UGT1A7: variants seen among roughly 807,000 people sequenced by gnomAD.
UGT1A7 encodes the protein UDP glucuronosyltransferase family 1 member A7, also known as UDP-glucuronosyltransferase 1A7.
Under a neutral mutation model 45.6 loss-of-function variants are expected in UGT1A7, and 33 were observed. The observed-to-expected ratio is 0.72, with a 90% CI of 0.55 to 0.97. The LOEUF (loss-of-function observed/expected upper bound fraction) is 0.97, where lower values mean the gene tolerates loss of function less well. Ranked by LOEUF, UGT1A7 falls within the 50% of genes least tolerant of loss-of-function variation. The pLI is 0.00. For missense variants in UGT1A7, 684 were observed against 666.2 expected (o/e 1.03, Z -0.29); for synonymous variants, 274 against 250.6 (o/e 1.09, Z -0.88).
At chr2:233,754,136 G>T (rs1695403547) in intron 1 of UGT1A7, among the ~76,000 whole-genome samples, 1 of 152,154 alleles carries the variant, frequency 6.6e-6, no homozygotes. Flanking sequence ...GCAATTAAAA[G>T]CCATCATTAA....
At chr2:233,725,198 A>AGAGGCAGAGGCAGAGGCAGAG (rs1377722142) in intron 1 of UGT1A7, among the ~76,000 whole-genome samples, 1 of 86,634 alleles carries the variant, frequency 1.2e-5, no homozygotes, top group Non-Finnish European at 2.0e-5. Context: ...AGGCAGAGGC[A>AGAGGCAGAGGCAGAGGCAGAG]GAGGCAGAGG....
intron 1 of UGT1A7, among the ~76,000 whole-genome samples, chr2:233,750,227 A>C (rs977533582): frequency 6.6e-6 from 1 of 151,900 alleles, no homozygotes; most frequent in Admixed American, 6.5e-5. Flanking sequence ...GAGATGAGGA[A>C]CTTATTGGGA....
At chr2:233,756,970 G>A (rs550793027) in intron 1 of UGT1A7, among the ~76,000 whole-genome samples, 57 of 152,062 alleles carry the variant, frequency 3.7e-4, no homozygotes, top group Non-Finnish European at 5.3e-4. Context: ...TGGTAAGCAC[G>A]CAATGAACAG....
intron 1 of UGT1A7, among the ~76,000 whole-genome samples, 196 bp from the exon 2 acceptor site, chr2:233,766,838 C>CCCTTCCTCCTTTAGAAG (rs1182719018): frequency 3.9e-5 from 6 of 152,156 alleles, no homozygotes; most frequent in African/African-American, 1.2e-4. Context: ...TAAGCAGGAA[C>CCCTTCCTCCTTTAGAAG]CCTTCCTCCT....
chr2:233,724,277 C>T (rs1162056701), intron 1 of UGT1A7, among the ~76,000 whole-genome samples: 28 of 115,674 alleles, frequency 2.4e-4, no homozygotes, highest in Admixed American at 3.4e-4. Flanking sequence ...GGCGGCTGGC[C>T]GGGCGGGGGG....
chr2:233,733,594 G>A (rs1409734181), intron 1 of UGT1A7, among the ~76,000 whole-genome samples: 1 of 152,164 alleles, frequency 6.6e-6, no homozygotes, highest in African/African-American at 2.4e-5. Context: ...TTCTGTTTAT[G>A]TGATGGATTA....
rs113010112 is a variant in UGT1A7, at chr2:233,729,455, T to A, written c.856-37579T>A. ...GAAACAGAACATTTTCTGAAGAAAT[T>A]TTTCAGAAGTATGGCAATGTTGAAC... On this transcript the variant is annotated intron_variant, in intron 1 of 4. Coordinates refer to ENST00000373426, the MANE Select transcript of UGT1A7 (RefSeq NM_019077.3). The A allele has an allele frequency of 2.5e-6, 4 of 1,614,068 alleles. No individual in the cohort carries two copies. In the African/African-American group the frequency reaches 5.3e-5, roughly 22 times the overall value.
intron 1 of UGT1A7, among the ~76,000 whole-genome samples, chr2:233,720,439 A>G (rs1010293561): frequency 2.0e-5 from 3 of 152,114 alleles, no homozygotes; most frequent in African/African-American, 7.2e-5. Context: ...CCGTGAATCT[A>G]TAAGCCCAGT....
chr2:233,762,045 A>C (rs187851388), intron 1 of UGT1A7, among the ~76,000 whole-genome samples: 1 of 151,840 alleles, frequency 6.6e-6, no homozygotes, highest in African/African-American at 2.4e-5. Flanking sequence ...TTTTCTGTGC[A>C]TTTTCCTTCA....
rs200461003 is a variant in UGT1A7, at chr2:233,713,543, C to A, written c.855+30751C>A. ...TTCCATGTGATTTAGACTTTAAGGGCACACAGTGTCCAAACCCTTCCTCCT... is the reference window on the plus strand; with the variant it reads ...TTCCATGTGATTTAGACTTTAAGGGAACACAGTGTCCAAACCCTTCCTCCT... On this transcript the variant is annotated intron_variant, in intron 1 of 4. Coordinates refer to ENST00000373426, the MANE Select transcript of UGT1A7 (RefSeq NM_019077.3). 2.1e-4 allele frequency: 343 copies of A among 1,613,956 alleles called. 1 individual carries two copies. The highest frequency in any genetic ancestry group is 4.2e-6 in the Non-Finnish European group (5 of 1,179,872).
intron 1 of UGT1A7, chr2:233,713,305 A>T: frequency 3.1e-6 from 5 of 1,614,274 alleles, no homozygotes; most frequent in Non-Finnish European, 4.2e-6. Flanking sequence ...GAAACAGAAC[A>T]TCTTCTGATG....
chr2:233,737,998 C>A (rs1690658355), intron 1 of UGT1A7, among the ~76,000 whole-genome samples: 1 of 152,106 alleles, frequency 6.6e-6, no homozygotes, highest in South Asian at 2.1e-4. Context: ...GTGTCCCCCA[C>A]CAAATCTCAT....
At chr2:233,764,883 A>C (rs1698677013) in intron 1 of UGT1A7, among the ~76,000 whole-genome samples, 1 of 152,176 alleles carries the variant, frequency 6.6e-6, no homozygotes, top group Non-Finnish European at 1.5e-5. Context: ...GGGAAAAGGC[A>C]AAGACAAAGC....
chr2:233,708,854 A>C (rs1025150055), intron 1 of UGT1A7, among the ~76,000 whole-genome samples: 1 of 147,850 alleles, frequency 6.8e-6, no homozygotes, highest in Non-Finnish European at 1.5e-5. Context: ...TTTCTTTTTT[A>C]ATCTCTTTTA....
At position 233,769,609 on chromosome 2, in the gene UGT1A7, C is replaced by A. The variant is rs776582226; in HGVS notation, c.1295+1170C>A. On this transcript the variant is annotated intron_variant, in intron 4 of 4. Coordinates refer to ENST00000373426, the MANE Select transcript of UGT1A7 (RefSeq NM_019077.3). The surrounding 1 kb of genome is among the most constrained non-coding windows in gnomAD (Gnocchi z 4.4). Reference sequence around the variant, plus strand: ...AGAGGAGACGGAACACGGGGACACACCAGCTTGAGCAAGGGACAACAGGGG... The same window carrying A: ...AGAGGAGACGGAACACGGGGACACAACAGCTTGAGCAAGGGACAACAGGGG... The A allele has an allele frequency of 4.3e-6, 7 of 1,612,634 alleles. No individual in the cohort carries two copies. The highest frequency in any genetic ancestry group is 1.7e-4 in the Middle Eastern group (1 of 6,054).
chr2:233,758,001 G>A (rs1372978564), intron 1 of UGT1A7, among the ~76,000 whole-genome samples: 1 of 152,062 alleles, frequency 6.6e-6, no homozygotes, highest in Non-Finnish European at 1.5e-5. Context: ...TAATTGCCTG[G>A]TCATGAGTTT....
At chr2:233,743,057 T>A (rs1175965330) in intron 1 of UGT1A7, 1 of 324,210 alleles carries the variant, frequency 3.1e-6, no homozygotes, top group Non-Finnish European at 6.0e-6. Flanking sequence ...GTCCCAACGA[T>A]AAGAACAGGT....
At chr2:233,743,234 A>C (rs17863796) in intron 1 of UGT1A7, 5,154 of 418,520 alleles carry the variant, frequency 0.012, 81 homozygotes, top group South Asian at 0.038. Flanking sequence ...ATTTATTATG[A>C]AGGACTTTAA....
intron 1 of UGT1A7, among the ~76,000 whole-genome samples, chr2:233,748,713 G>T: frequency 6.6e-6 from 1 of 151,600 alleles, no homozygotes; most frequent in East Asian, 1.9e-4. Flanking sequence ...TTTGGGGTCT[G>T]GTGCATGATG....
Sources: allele counts gnomAD v4.1 joint callset (sites outside exome capture counted in the v4.1 genomes callset), GRCh38; gene constraint gnomAD v4.1.1; non-coding constraint Gnocchi (gnomAD v3.1); transcripts MANE v1.5; gene names NCBI Gene and HGNC (gene_info 2026-07-23, HGNC 2026-07-21).